The following ANKS1B variants were observed in gnomAD, a reference collection of about 807,000 sequenced individuals.
ANKS1B encodes ankyrin repeat and sterile alpha motif domain containing 1B.
A neutral mutation model predicts 148.3 loss-of-function variants in ANKS1B; 36 were observed. The ratio of observed to expected loss-of-function variants is 0.24; its 90% CI spans 0.19 to 0.32. ANKS1B has a LOEUF of 0.32. Ranked by LOEUF, ANKS1B falls within the 10% of genes least tolerant of loss-of-function variation. The pLI is 1.00. For synonymous variants in ANKS1B, 542 were observed against 560.8 expected (o/e 0.97, Z 0.47); for missense variants, 1,157 against 1,542.6 (o/e 0.75, Z 4.19).
Position 99,871,176 on chromosome 12 carries a change from G to C in ANKS1B, c.135-45787C>G, listed in dbSNP as rs868458873. 3.9e-5 allele frequency among the ~76,000 whole-genome samples: 6 copies of C among 152,106 alleles called. No homozygotes were observed. In the South Asian group the frequency reaches 1.2e-3, roughly 31 times the overall value. ...CCCAGCACTATTTGTTGAATAGGGA[G>C]TCCTTTCCCCATTGCTTATTTTTGT... On this transcript the variant is annotated intron_variant, in intron 1 of 26. Coordinates refer to ENST00000683438, the MANE Select transcript of ANKS1B (RefSeq NM_001352186.2).
intron 11 of ANKS1B, 22 bp downstream of exon 11, chr12:99,443,651 T>C (rs1283968273): frequency 1.2e-6 from 2 of 1,609,732 alleles, no homozygotes; most frequent in Non-Finnish European, 8.5e-7. Flanking sequence ...AGAGGGAAAA[T>C]GATGCCATTC....
rs2099276340 is a variant in ANKS1B, at chr12:98,829,438, CTG to C, written c.2887-87_2887-86del. 4 of 1,391,620 alleles carry C rather than the reference CTG, an allele frequency of 2.9e-6. No homozygotes were observed. The African/African-American group carries it at 5.8e-5, about 20-fold the overall frequency. The allele number at this position is 1,391,620 out of a possible 1,614,324, so 86.2% of individuals were successfully genotyped here. On this transcript the variant is annotated intron_variant, in intron 18 of 26. Coordinates refer to ENST00000683438, the MANE Select transcript of ANKS1B (RefSeq NM_001352186.2). The surrounding 1 kb of genome is among the most constrained non-coding windows in gnomAD (Gnocchi z 5.2). ...AATTGTGAAATACTGACAAGACAAACTGTGGGGGTGGGGAGTCGCTTTTGAAG... is the reference window on the plus strand; with the variant it reads ...AATTGTGAAATACTGACAAGACAAACTGGGGGTGGGGAGTCGCTTTTGAAG...
chr12:99,425,867 C>T (rs1232831527), intron 11 of ANKS1B, among the ~76,000 whole-genome samples: 1 of 148,586 alleles, frequency 6.7e-6, no homozygotes, highest in Non-Finnish European at 1.5e-5. Flanking sequence ...TACTTGTTTT[C>T]TATTTTAATA....
At chr12:99,429,918 C>T (rs779186873) in intron 11 of ANKS1B, among the ~76,000 whole-genome samples, 4 of 151,854 alleles carry the variant, frequency 2.6e-5, no homozygotes, top group Non-Finnish European at 5.9e-5. Context: ...GAGCCAAGAT[C>T]GTGTCACTGC....
chr12:99,736,012 T>A (rs1341410906), intron 8 of ANKS1B, among the ~76,000 whole-genome samples: 1 of 151,218 alleles, frequency 6.6e-6, no homozygotes, highest in Non-Finnish European at 1.5e-5. Flanking sequence ...AGGACAAAAA[T>A]GATATGATCA....
At chr12:99,542,975 T>TA (rs2097140783) in intron 9 of ANKS1B, among the ~76,000 whole-genome samples, 3 of 151,960 alleles carry the variant, frequency 2.0e-5, no homozygotes, top group Non-Finnish European at 2.9e-5. Context: ...ACAAAAGAAA[T>TA]AAATAAACTG....
chr12:99,598,901 G>C (rs1408119945), intron 9 of ANKS1B, among the ~76,000 whole-genome samples: 1 of 151,978 alleles, frequency 6.6e-6, no homozygotes, highest in Non-Finnish European at 1.5e-5. Flanking sequence ...AATCAATATC[G>C]CTGGGCCAAA....
At chr12:99,429,413 G>A (rs2095325369) in intron 11 of ANKS1B, among the ~76,000 whole-genome samples, 2 of 152,168 alleles carry the variant, frequency 1.3e-5, no homozygotes, top group African/African-American at 4.8e-5. Flanking sequence ...TAGCTGACCT[G>A]TTATATTCAA....
At chr12:99,347,256 A>T (rs940550076) in intron 12 of ANKS1B, among the ~76,000 whole-genome samples, 1 of 152,036 alleles carries the variant, frequency 6.6e-6, no homozygotes, top group African/African-American at 2.4e-5. Flanking sequence ...AGATGGGATA[A>T]ACAATAAACA....
At chr12:99,956,685 C>G (rs2095329089) in intron 1 of ANKS1B, among the ~76,000 whole-genome samples, 1 of 152,198 alleles carries the variant, frequency 6.6e-6, no homozygotes, top group African/African-American at 2.4e-5. Context: ...CAGTGTGCAT[C>G]TGACTGGTCA....
chr12:99,919,790 A>AAAAAC (rs1356238509), intron 1 of ANKS1B, among the ~76,000 whole-genome samples: 1 of 151,890 alleles, frequency 6.6e-6, no homozygotes, highest in African/African-American at 2.4e-5. Flanking sequence ...AAAAAAAAAA[A>AAAAAC]AAAACCTGGA....
intron 10 of ANKS1B, among the ~76,000 whole-genome samples, chr12:99,467,606 T>C (rs562188746): frequency 6.6e-6 from 1 of 152,136 alleles, no homozygotes; most frequent in South Asian, 2.1e-4. Context: ...GGAAACAAAA[T>C]CAATGTACAA....
chr12:99,423,658 A>T (rs550525517), intron 11 of ANKS1B, among the ~76,000 whole-genome samples: 1 of 152,298 alleles, frequency 6.6e-6, no homozygotes, highest in Admixed American at 6.5e-5. Flanking sequence ...GCAACAGAAA[A>T]AAAAAGGAAT....
chr12:99,892,260 C>A (rs752936843), intron 1 of ANKS1B, among the ~76,000 whole-genome samples: 4 of 152,166 alleles, frequency 2.6e-5, no homozygotes, highest in Non-Finnish European at 5.9e-5. Context: ...ACCTCTGCCT[C>A]CCAAAGCGCT....
intron 12 of ANKS1B, among the ~76,000 whole-genome samples, chr12:99,253,723 A>T (rs1199921078): frequency 2.0e-5 from 3 of 152,218 alleles, no homozygotes; most frequent in African/African-American, 7.2e-5. Flanking sequence ...CTCCCCACAA[A>T]ATACTTATTA....
intron 14 of ANKS1B, among the ~76,000 whole-genome samples, chr12:99,233,520 T>A (rs2153954758): frequency 6.6e-6 from 1 of 152,284 alleles, no homozygotes; most frequent in African/African-American, 2.4e-5. Context: ...CTGCACAATA[T>A]GAGGCATTGA....
intron 17 of ANKS1B, among the ~76,000 whole-genome samples, chr12:98,958,905 G>A (rs1040065394): frequency 7.2e-5 from 11 of 152,118 alleles, no homozygotes; most frequent in African/African-American, 9.7e-5. Context: ...ATTGTATCAC[G>A]TAGGGAGACT....
chr12:99,077,093 C>G (rs2048121178), intron 16 of ANKS1B, among the ~76,000 whole-genome samples: 1 of 152,166 alleles, frequency 6.6e-6, no homozygotes. Flanking sequence ...AAGACATTTT[C>G]AGAACTGAGT....
intron 10 of ANKS1B, among the ~76,000 whole-genome samples, chr12:99,454,763 G>C (rs79338332): frequency 0.025 from 3,836 of 152,242 alleles, 56 homozygotes; most frequent in Non-Finnish European, 0.039. Flanking sequence ...GAGTCTTGTA[G>C]AATTTTACCT....
Sources: gnomAD v4.1 joint callset for allele counts (sites outside exome capture counted in the v4.1 genomes callset) on GRCh38, gnomAD v4.1.1 for gene constraint, Gnocchi (gnomAD v3.1) non-coding constraint, MANE v1.5 for transcripts, NCBI Gene and HGNC (gene_info 2026-07-23, HGNC 2026-07-21) for gene names.